ZBED4: variants seen among roughly 807,000 people sequenced by gnomAD.
ZBED4 encodes the protein zinc finger BED-type containing 4.
A neutral mutation model predicts 15.5 loss-of-function variants in ZBED4; 4 were observed. That is an observed-to-expected ratio of 0.26 (90% confidence interval 0.13 to 0.59). The LOEUF (loss-of-function observed/expected upper bound fraction) is 0.59. Among genes scored for constraint, ZBED4 ranks in the 20% least tolerant of loss-of-function variants. ZBED4 has a pLI of 0.90. For synonymous variants in ZBED4, 692 were observed against 608.5 expected (o/e 1.14, Z -2.02); for missense variants, 1,323 against 1,461.8 (o/e 0.91, Z 1.55).
intron 1 of ZBED4, among the ~76,000 whole-genome samples, chr22:49,877,138 G>A (rs2060380620): frequency 6.6e-6 from 1 of 152,066 alleles, no homozygotes; most frequent in Admixed American, 6.6e-5. Flanking sequence ...TCCTAAACGA[G>A]AAAAAGATTA....
rs183426682 is a variant in ZBED4, at chr22:49,883,698, C to T, written c.36C>T (p.Asp12=). The T allele has an allele frequency of 1.0e-4, 164 of 1,599,780 alleles. No homozygotes were observed. Among genetic ancestry groups the T allele is most frequent in the Admixed American group, 9.6e-4 (57 of 59,082 alleles). Residue 12 remains aspartate (D), a synonymous_variant, in exon 2 of 2, where the codon GAC becomes GAT. Transcript: ENST00000216268. ...ENNLKTCPKE[D]GDFVSDKIKF... The stretch of plus-strand genomic sequence containing the variant: ...ACTTGAAAACTTGTCCCAAAGAGGA[C>T]GGTGATTTCGTTTCTGATAAAATAA...
At position 49,887,182 on chromosome 22, in the gene ZBED4, T is replaced by G. The variant is rs751741335; in HGVS notation, c.*4T>G. 7.5e-6 allele frequency: 12 copies of G among 1,600,440 alleles called. No individual in the cohort carries two copies. Among genetic ancestry groups the G allele is most frequent in the South Asian group, 1.1e-5 (1 of 89,290 alleles). ...CTTAATATACTTTCAGTATTGAAACTCACGACGGCACCACTAGGCCAGAGG... is the reference window on the plus strand; with the variant it reads ...CTTAATATACTTTCAGTATTGAAACGCACGACGGCACCACTAGGCCAGAGG... On this transcript the variant is annotated 3_prime_UTR_variant, in exon 2 of 2. Coordinates refer to ENST00000216268, the MANE Select transcript of ZBED4 (RefSeq NM_014838.3).
At position 49,883,533 on chromosome 22, in the gene ZBED4, T is replaced by C; in HGVS notation, c.-130T>C. On this transcript the variant is annotated 5_prime_UTR_variant, in exon 2 of 2. Coordinates refer to ENST00000216268, the MANE Select transcript of ZBED4 (RefSeq NM_014838.3). Reference sequence around the variant, plus strand: ...TCAGTACTATTTATGATTAGCCATATTTCTAGAAACATCCTGAAAGATGGA... The same window carrying C: ...TCAGTACTATTTATGATTAGCCATACTTCTAGAAACATCCTGAAAGATGGA... 7.7e-7 allele frequency: 1 copy of C among 1,291,044 alleles called. No homozygotes were observed. Among genetic ancestry groups the C allele is most frequent in the East Asian group, 2.5e-5 (1 of 39,632 alleles). 80.0% of individuals were successfully genotyped at this position (1,291,044 alleles called of 1,614,324 possible). A position where few individuals can be genotyped will look rare whatever the true frequency, so the allele number is the denominator to read the frequency against.
In ZBED4 at chr22:49,883,687, C is replaced by T. The variant is rs779495439; in HGVS notation, c.25C>T (p.Pro9Ser). The change falls in exon 2 of 2, where the codon CCC becomes TCC. Residue 9 changes from proline to serine, a missense_variant. By Grantham distance (74) the Pro-to-Ser change is moderately conservative. Coordinates refer to ENST00000216268, the MANE Select transcript of ZBED4 (RefSeq NM_014838.3). ...CATGGAGAATAACTTGAAAACTTGTCCCAAAGAGGACGGTGATTTCGTTTC... is the reference window on the plus strand; with the variant it reads ...CATGGAGAATAACTTGAAAACTTGTTCCAAAGAGGACGGTGATTTCGTTTC... MENNLKTC[P>S]KEDGDFVSDK... 1.3e-6 allele frequency: 2 copies of T among 1,591,344 alleles called. No individual in the cohort carries two copies.
chr22:49,883,713 T>A lies in ZBED4; in HGVS notation c.51T>A (p.Ser17=). 1.2e-6 allele frequency: 2 copies of A among 1,606,692 alleles called. No individual in the cohort carries two copies. The highest frequency in any genetic ancestry group is 2.2e-5 in the South Asian group (2 of 90,844). The change falls in exon 2 of 2, where the codon TCT becomes TCA. Residue 17 remains serine, a synonymous_variant. Transcript: ENST00000216268. ...TCPKEDGDFV[S]DKIKFKIEEE... ...CCAAAGAGGACGGTGATTTCGTTTC[T>A]GATAAAATAAAGTTTAAAATAGAAG...
At chr22:49,881,303 C>T (rs974644552) in intron 1 of ZBED4, among the ~76,000 whole-genome samples, 1 of 152,244 alleles carries the variant, frequency 6.6e-6, no homozygotes, top group Non-Finnish European at 1.5e-5. Flanking sequence ...GAACTGAGAT[C>T]GTGCCGCTGC....
rs749323294 is a variant in ZBED4 at position 49,885,512 on chromosome 22, C to T, written c.1850C>T (p.Ser617Leu). The change falls in exon 2 of 2, where the codon TCG (serine) becomes TTG (leucine). Residue 617 changes from serine to leucine, a missense_variant. Physicochemically the swap from Ser to Leu is moderately radical, Grantham distance 145. Around this residue, in one of 6 missense-constraint regions of ZBED4, gnomAD observed 429 missense variants for 397.9 expected, o/e 1.08. Transcript: ENST00000216268. ...AGCAACGTGCTGAAAACTGAGGTCT[C>T]GGAGACGGCTCGGCCCTCCTCTCCG... Reference protein sequence around the residue: ...FHSNVLKTEVSETARPSSPDT... With the variant: ...FHSNVLKTEVLETARPSSPDT... 6.4e-5 allele frequency: 103 copies of T among 1,609,964 alleles called. No individual in the cohort carries two copies. The highest frequency in any genetic ancestry group is 8.0e-5 in the Non-Finnish European group (94 of 1,176,516).
At chr22:49,862,719 T>A (rs1397216270) in intron 1 of ZBED4, among the ~76,000 whole-genome samples, 24 of 105,056 alleles carry the variant, frequency 2.3e-4, no homozygotes, top group South Asian at 6.2e-4. Flanking sequence ...TTTTTTTTTT[T>A]AGACTTAAGT....
chr22:49,888,653 G>A lies in ZBED4; in HGVS notation c.*1475G>A, dbSNP rs142864599. 1.7e-3 allele frequency: 292 copies of A among 167,348 alleles called. 1 individual carries two copies. The highest frequency in any genetic ancestry group is 4.8e-3 in the South Asian group (23 of 4,824). The allele number at this position is 167,348 out of a possible 1,614,324, so 10.4% of individuals were successfully genotyped here. A position where few individuals can be genotyped will look rare whatever the true frequency, so the allele number is the denominator to read the frequency against. On this transcript the variant is annotated 3_prime_UTR_variant, in exon 2 of 2. Transcript: ENST00000216268. ...TTTCCAGGTCTCGTGTTCAAGTGGT[G>A]CCAGAATGCAGGAGCCGGTGGGCAG...
chr22:49,879,310 A>G (rs2060395351), intron 1 of ZBED4, among the ~76,000 whole-genome samples: 1 of 148,120 alleles, frequency 6.8e-6, no homozygotes, highest in Non-Finnish European at 1.5e-5. Context: ...TATTTTTAGT[A>G]GAGACCAGGT....
rs1555922729 is a variant in ZBED4, at chr22:49,864,839, A to AAAAAAAAAAG, written c.-330+10850_-330+10851insAAAAAAAAAG. Among the ~76,000 whole-genome samples the AAAAAAAAAAG allele has an allele frequency of 2.0e-4, 27 of 133,144 alleles. 3 individuals carry two copies. The highest frequency in any genetic ancestry group is 9.9e-4 in the African/African-American group (27 of 27,372). The allele number at this position is 133,144 out of a possible 152,430, so 87.3% of individuals were successfully genotyped here. A position where few individuals can be genotyped will look rare whatever the true frequency, so the allele number is the denominator to read the frequency against. The stretch of plus-strand genomic sequence containing the variant: ...TGTCTCCAAAAAAAAAAAAAAAAAA[A>AAAAAAAAAAG]GCCCTGATTAAACCGTCGTAGAGCT... On this transcript the variant is annotated intron_variant, in intron 1 of 1. Coordinates refer to ENST00000216268, the MANE Select transcript of ZBED4 (RefSeq NM_014838.3).
At chr22:49,868,239 AT>A (rs1460546297) in intron 1 of ZBED4, among the ~76,000 whole-genome samples, 2 of 152,132 alleles carry the variant, frequency 1.3e-5, no homozygotes, top group African/African-American at 2.4e-5. Flanking sequence ...TTATTGAGAG[AT>A]TTGGGGAAAC....
intron 1 of ZBED4, among the ~76,000 whole-genome samples, chr22:49,873,678 GTGCGGTGATA>G (rs1259549029): frequency 7.1e-6 from 1 of 141,252 alleles, no homozygotes; most frequent in Non-Finnish European, 1.5e-5. Context: ...GTAAAGCGAG[GTGCGGTGATA>G]TGAGGTGATA....
chr22:49,868,346 G>A lies in ZBED4; in HGVS notation c.-330+14357G>A, dbSNP rs999814163. Among the ~76,000 whole-genome samples the A allele has an allele frequency of 6.6e-5, 10 of 152,218 alleles. No homozygotes were observed. In the South Asian group the frequency reaches 1.9e-3, roughly 28 times the overall value. On this transcript the variant is annotated intron_variant, in intron 1 of 1. Coordinates refer to ENST00000216268, the MANE Select transcript of ZBED4 (RefSeq NM_014838.3). ...CTACACTTGAGGAAGGAAGCTGGCTGAGGCTGGTGGATCACCCAGGATCAG... is the reference window on the plus strand; with the variant it reads ...CTACACTTGAGGAAGGAAGCTGGCTAAGGCTGGTGGATCACCCAGGATCAG...
chr22:49,853,581 C>A (rs1023860012), upstream of ZBED4, among the ~76,000 whole-genome samples: 1 of 152,082 alleles, frequency 6.6e-6, no homozygotes. Flanking sequence ...CCCTTCCCGT[C>A]GCCCGCCAGC....
intron 1 of ZBED4, among the ~76,000 whole-genome samples, chr22:49,854,336 G>T (rs2060265707): frequency 6.6e-6 from 1 of 151,076 alleles, no homozygotes; most frequent in African/African-American, 2.4e-5. Flanking sequence ...CCGGGAGCGC[G>T]CTGTCCCGGC....
chr22:49,883,546 C>T lies in ZBED4; in HGVS notation c.-117C>T. 7.4e-7 allele frequency: 1 copy of T among 1,353,942 alleles called. No homozygotes were observed. The highest frequency in any genetic ancestry group is 1.8e-5 in the South Asian group (1 of 55,818). The allele number at this position is 1,353,942 out of a possible 1,614,324, so 83.9% of individuals were successfully genotyped here. A position where few individuals can be genotyped will look rare whatever the true frequency, so the allele number is the denominator to read the frequency against. ...TGATTAGCCATATTTCTAGAAACATCCTGAAAGATGGAATTATGACGAAAA... is the reference window on the plus strand; with the variant it reads ...TGATTAGCCATATTTCTAGAAACATTCTGAAAGATGGAATTATGACGAAAA... On this transcript the variant is annotated 5_prime_UTR_variant, in exon 2 of 2. Coordinates refer to ENST00000216268, the MANE Select transcript of ZBED4 (RefSeq NM_014838.3).
chr22:49,869,244 A>G (rs1298546511), intron 1 of ZBED4, among the ~76,000 whole-genome samples: 2 of 152,116 alleles, frequency 1.3e-5, no homozygotes, highest in Non-Finnish European at 1.5e-5. Flanking sequence ...ACGTACACAC[A>G]TGCATGTTGG....
chr22:49,878,237 G>A (rs572940487), intron 1 of ZBED4, among the ~76,000 whole-genome samples: 12 of 151,430 alleles, frequency 7.9e-5, no homozygotes, highest in African/African-American at 2.2e-4. Flanking sequence ...CCCGGGAGGC[G>A]GAGGTTACAG....
Sources: allele counts gnomAD v4.1 joint callset (sites outside exome capture counted in the v4.1 genomes callset), GRCh38; gene constraint gnomAD v4.1.1; regional missense constraint gnomAD v4.1.1; transcripts MANE v1.5; gene names NCBI Gene and HGNC (gene_info 2026-07-23, HGNC 2026-07-21).